Variants in GRIK4 observed in about 807,000 individuals in gnomAD.
The protein encoded by GRIK4 is glutamate ionotropic receptor kainate type subunit 4, also known as glutamate receptor ionotropic, kainate 4.
In GRIK4, 40 loss-of-function variants were observed where a neutral mutation model predicts 104.9. That is an observed-to-expected ratio of 0.38 (90% CI 0.30 to 0.50). The LOEUF is 0.50. GRIK4 is among the 20% of genes least tolerant of loss of function. The probability of loss-of-function intolerance (pLI) is 0.93; values close to 1 mark genes in which losing one functional copy is unlikely to be tolerated. For synonymous variants in GRIK4, 485 were observed against 524.9 expected (o/e 0.92, Z 1.04); for missense variants, 1,047 against 1,308.1 (o/e 0.80, Z 3.08).
chr11:120,944,201 T>TTC (rs71890093), intron 14 of GRIK4, among the ~76,000 whole-genome samples: 1,922 of 131,826 alleles, frequency 0.015, 52 homozygotes, highest in African/African-American at 0.05. Context: ...CCTCCCTTCT[T>TTC]TCTCTCTCTC....
chr11:120,780,234 A>G (rs1302273981), intron 3 of GRIK4, among the ~76,000 whole-genome samples: 2 of 152,244 alleles, frequency 1.3e-5, no homozygotes, highest in South Asian at 4.1e-4. Flanking sequence ...CTACATTCAC[A>G]TTGCTGTACA....
chr11:120,576,641 A>T (rs1352718026), intron 1 of GRIK4: 1 of 152,326 alleles, frequency 6.6e-6, no homozygotes, highest in Non-Finnish European at 1.5e-5. Flanking sequence ...TGCAATGTCG[A>T]TGAAGAGCTC....
chr11:120,653,271 A>G (rs1360095853), intron 1 of GRIK4, among the ~76,000 whole-genome samples: 2 of 152,206 alleles, frequency 1.3e-5, no homozygotes, highest in Admixed American at 1.3e-4. Flanking sequence ...ATGTTAGAGG[A>G]TCTTCTAGGT....
intron 3 of GRIK4, among the ~76,000 whole-genome samples, chr11:120,743,516 T>A (rs971795592): frequency 6.6e-5 from 10 of 152,164 alleles, no homozygotes; most frequent in African/African-American, 2.4e-4. Context: ...GCACAACAAA[T>A]CCCTGTTATG....
rs1952640944 is a variant in GRIK4 at position 120,802,607 on chromosome 11, G to A, written c.83-86G>A. The A allele has an allele frequency of 3.5e-6, 4 of 1,142,664 alleles. No homozygotes were observed. In the South Asian group the frequency reaches 5.3e-5, roughly 15 times the overall value. The allele number at this position is 1,142,664 out of a possible 1,614,324, so 70.8% of individuals were successfully genotyped here. On this transcript the variant is annotated intron_variant, in intron 3 of 20. Coordinates refer to ENST00000527524, the MANE Select transcript of GRIK4 (RefSeq NM_014619.5). ...CTTGGGGTGCTGCCTGGAAGAGGAA[G>A]GTGGCAGCAGGGGGAGGCTGGAGAA... is the stretch of plus-strand genomic sequence containing the variant.
intron 1 of GRIK4, among the ~76,000 whole-genome samples, chr11:120,609,516 CTTTTTTTTTTTTTTT>C (rs58736481): frequency 1.8e-5 from 1 of 57,130 alleles, no homozygotes. Flanking sequence ...TTTGCAGTTG[CTTTTTTTTTTTTTTT>C]TTTTTTTTTT....
chr11:120,817,392 TTA>T lies in GRIK4; in HGVS notation c.345+1919_345+1920del, dbSNP rs768604767. ...CAGACGCTTACCCGCCTTTGTCTGG[TTA>T]TGTTTCTTCTAGAGCAACTTTTCCT... On this transcript the variant is annotated intron_variant, in intron 5 of 20. Transcript: ENST00000527524. Among the ~76,000 whole-genome samples, 10 of 152,228 alleles carry T rather than the reference TTA, an allele frequency of 6.6e-5. 1 individual carries two copies. Among genetic ancestry groups the T allele is most frequent in the Admixed American group, 2.0e-4 (3 of 15,286 alleles).
At chr11:120,737,935 A>G (rs972107420) in intron 3 of GRIK4, among the ~76,000 whole-genome samples, 1 of 152,182 alleles carries the variant, frequency 6.6e-6, no homozygotes, top group East Asian at 1.9e-4. Flanking sequence ...ATAAACAGGT[A>G]AAAAAATCAA....
intron 3 of GRIK4, among the ~76,000 whole-genome samples, chr11:120,718,772 A>G (rs1950881569): frequency 6.6e-6 from 1 of 152,218 alleles, no homozygotes; most frequent in Non-Finnish European, 1.5e-5. Flanking sequence ...ACCTGCCAGT[A>G]CCAACCTTGG....
At chr11:120,644,274 A>G (rs1376282764) in intron 1 of GRIK4, among the ~76,000 whole-genome samples, 1 of 152,208 alleles carries the variant, frequency 6.6e-6, no homozygotes, top group African/African-American at 2.4e-5. Flanking sequence ...TCTTTGCTAG[A>G]TTAAATGTGT....
chr11:120,737,166 A>C (rs1265703149), intron 3 of GRIK4, among the ~76,000 whole-genome samples: 1 of 152,248 alleles, frequency 6.6e-6, no homozygotes, highest in Non-Finnish European at 1.5e-5. Flanking sequence ...GCCGGGAACC[A>C]CTTTATCTTG....
rs12285265 is a variant in GRIK4, at chr11:120,971,700, T to C, written c.2395+4377T>C. ...TTTTAATAGCGGTATAAAGAGAATG[T>C]CTGGAAGCCCGGAAGAGGAAGTGAT... is the stretch of plus-strand genomic sequence containing the variant. On this transcript the variant is annotated intron_variant, in intron 19 of 20. Coordinates refer to ENST00000527524, the MANE Select transcript of GRIK4 (RefSeq NM_014619.5). Among the ~76,000 whole-genome samples, 707 of 152,258 alleles carry C rather than the reference T, an allele frequency of 4.6e-3. 3 individuals are homozygous for C. Among genetic ancestry groups the C allele is most frequent in the African/African-American group, 0.016 (677 of 41,526 alleles).
intron 4 of GRIK4, among the ~76,000 whole-genome samples, chr11:120,814,666 C>G (rs1952896907): frequency 6.7e-6 from 1 of 150,302 alleles, no homozygotes; most frequent in African/African-American, 2.5e-5. Flanking sequence ...TGATCCCGGA[C>G]AGGTGAGCGA....
chr11:120,537,550 A>C (rs1006377631), intron 1 of GRIK4, among the ~76,000 whole-genome samples: 3 of 152,172 alleles, frequency 2.0e-5, no homozygotes, highest in African/African-American at 7.2e-5. Flanking sequence ...GGATGCCCAC[A>C]GTGAAGGAAG....
chr11:120,675,379 A>G (rs11820810), intron 3 of GRIK4, among the ~76,000 whole-genome samples: 48,769 of 152,006 alleles, frequency 0.32, 8,433 homozygotes, highest in East Asian at 0.56. Context: ...CCTGGATCCA[A>G]AATTTGTGTG....
chr11:120,930,048 C>T (rs1301064804), intron 13 of GRIK4, among the ~76,000 whole-genome samples: 1 of 151,894 alleles, frequency 6.6e-6, no homozygotes. Flanking sequence ...TGCACTGGCT[C>T]TTCACTAGGG....
intron 1 of GRIK4, among the ~76,000 whole-genome samples, chr11:120,514,183 G>A (rs1199309905): frequency 6.6e-6 from 1 of 152,190 alleles, no homozygotes; most frequent in African/African-American, 2.4e-5. Context: ...GCGAGGGTGG[G>A]CAGCGCCAAG....
chr11:120,690,673 A>G lies in GRIK4; in HGVS notation c.82+30273A>G, dbSNP rs140575277. Among the ~76,000 whole-genome samples the G allele has an allele frequency of 7.4e-3, 1,130 of 152,382 alleles. 9 individuals are homozygous for G. Among genetic ancestry groups the G allele is most frequent in the South Asian group, 0.012 (60 of 4,834 alleles). Reference sequence around the variant, plus strand: ...GGGGCCATTTCTCCCAAATGGGGACAGCAGCCCCGGGACCTGTGGCTTTGC... The same window carrying G: ...GGGGCCATTTCTCCCAAATGGGGACGGCAGCCCCGGGACCTGTGGCTTTGC... On this transcript the variant is annotated intron_variant, in intron 3 of 20. Coordinates refer to ENST00000527524, the MANE Select transcript of GRIK4 (RefSeq NM_014619.5).
At chr11:120,631,787 G>A (rs1056001445) in intron 1 of GRIK4, among the ~76,000 whole-genome samples, 10 of 152,184 alleles carry the variant, frequency 6.6e-5, no homozygotes, top group African/African-American at 2.4e-4. Flanking sequence ...CAAAGGTCTT[G>A]TCTCAAATTA....
Sources: allele counts gnomAD v4.1 joint callset (sites outside exome capture counted in the v4.1 genomes callset), GRCh38; gene constraint gnomAD v4.1.1; transcripts MANE v1.5; gene names NCBI Gene and HGNC (gene_info 2026-07-23, HGNC 2026-07-21).